SUN1: variants seen among roughly 807,000 people sequenced by gnomAD.
SUN1 encodes Sad1 and UNC84 domain containing 1.
Under a neutral mutation model 103.2 loss-of-function variants are expected in SUN1, and 61 were observed. That is an observed-to-expected ratio of 0.59 (90% CI 0.48 to 0.73). The LOEUF is 0.73. Among genes scored for constraint, SUN1 ranks in the 30% least tolerant of loss-of-function variants. The pLI, the probability that SUN1 is intolerant of heterozygous loss-of-function variation, is 0.00. For missense variants in SUN1, 1,052 were observed against 1,034.6 expected, an observed-to-expected ratio of 1.02 and a Z score of -0.23; for synonymous variants, 490 against 425.7, an observed-to-expected ratio of 1.15 and a Z score of -1.86.
At chr7:845,292 C>T (rs943413552) in intron 5 of SUN1, among the ~76,000 whole-genome samples, 1 of 152,228 alleles carries the variant, frequency 6.6e-6, no homozygotes, top group East Asian at 1.9e-4. Flanking sequence ...CGCCTCCCCT[C>T]GGACGTCGGT....
At chr7:868,356 C>T in intron 16 of SUN1, 1 of 221,734 alleles carries the variant, frequency 4.5e-6, no homozygotes, top group Non-Finnish European at 9.0e-6. Context: ...CGATCGCAGG[C>T]CAGAGGCAGA....
upstream of SUN1, among the ~76,000 whole-genome samples, chr7:828,208 C>G (rs1794455674): frequency 1.3e-5 from 2 of 151,702 alleles, no homozygotes; most frequent in Admixed American, 6.6e-5. Context: ...CTGGCCTTAT[C>G]TAATTTTAAA....
intron 5 of SUN1, among the ~76,000 whole-genome samples, chr7:846,039 A>AGCCC (rs1815305981): frequency 6.6e-6 from 1 of 152,114 alleles, no homozygotes; most frequent in Admixed American, 6.5e-5. Flanking sequence ...TGCACAGTTT[A>AGCCC]GCATCTCTTT....
chr7:868,392 C>T, intron 16 of SUN1: 1 of 265,512 alleles, frequency 3.8e-6, no homozygotes, highest in Non-Finnish European at 7.4e-6. Flanking sequence ...CCGACCTTGC[C>T]AGGCTGTGCT....
rs76593271 is a variant in SUN1, at chr7:823,810, C to T, written c.-74+7137C>T. On this transcript the variant is annotated intron_variant, in intron 1 of 17. Transcript: ENST00000389574. Reference sequence around the variant, plus strand: ...GGGAATGGAGAGGGGGCATGGGGCACGCGCCCTGGGGAGGGAGGAGCAGGC... The same window carrying T: ...GGGAATGGAGAGGGGGCATGGGGCATGCGCCCTGGGGAGGGAGGAGCAGGC... 7.8e-3 allele frequency among the ~76,000 whole-genome samples: 1,180 copies of T among 152,172 alleles called. 53 individuals are homozygous for T. In the East Asian group the frequency reaches 0.14, roughly 18 times the overall value.
chr7:849,875 G>A (rs919320752), intron 5 of SUN1: 8 of 1,557,502 alleles, frequency 5.1e-6, no homozygotes, highest in Non-Finnish European at 7.0e-6. Flanking sequence ...GATGGACAGA[G>A]TTTGCTTGTG....
chr7:848,924 T>C (rs1819160239), intron 5 of SUN1, among the ~76,000 whole-genome samples: 1 of 152,252 alleles, frequency 6.6e-6, no homozygotes, highest in South Asian at 2.1e-4. Context: ...AAACTTTACC[T>C]GAGTGGTATT....
chr7:843,677 G>C, intron 5 of SUN1, 157 bp downstream of exon 5: 1 of 1,480,092 alleles, frequency 6.8e-7, no homozygotes, highest in Non-Finnish European at 9.0e-7. Flanking sequence ...TGTCCTTCCT[G>C]TCCTCTTCTA....
At chr7:841,860 A>G (rs1810304121) in intron 2 of SUN1, 86 bp from the exon 3 acceptor site, 1 of 1,408,384 alleles carries the variant, frequency 7.1e-7, no homozygotes, top group Non-Finnish European at 9.7e-7. Context: ...GTTTATTCCC[A>G]GATTAAGAGT....
intron 1 of SUN1, chr7:817,183 C>T (rs1339024861): frequency 2.4e-5 from 13 of 538,510 alleles, no homozygotes; most frequent in Non-Finnish European, 4.0e-5. Context: ...TGGTCTCGAC[C>T]TCCTGAGCGC....
chr7:848,929 G>T (rs776250642), intron 5 of SUN1, among the ~76,000 whole-genome samples: 3 of 152,202 alleles, frequency 2.0e-5, no homozygotes, highest in Non-Finnish European at 4.4e-5. Flanking sequence ...TTACCTGAGT[G>T]GTATTTAGAA....
At position 857,895 on chromosome 7, in the gene SUN1, G is replaced by A; in HGVS notation, c.1462G>A (p.Glu488Lys). The A allele has an allele frequency of 1.2e-6, 2 of 1,604,128 alleles. No homozygotes were observed. The highest frequency in any genetic ancestry group is 1.7e-6 in the Non-Finnish European group (2 of 1,171,932). ...GCTGGAGCTGGATCAGCTAAAGTCA[G>A]AGCTGTCCAGCTGGCGACACGTGAA... ...LQLELDQLKS[E>K]LSSWRHVKTG... The change falls in exon 13 of 19, where the codon GAG becomes AAG. Residue 488 changes from glutamate to lysine, a missense_variant. This residue lies in a region of SUN1 where 846 missense variants were observed against 774.5 expected (regional missense o/e 1.09). Coordinates refer to ENST00000401592, the MANE Select transcript of SUN1 (RefSeq NM_001130965.3).
At chr7:849,713 C>G in intron 5 of SUN1, 7 of 1,273,502 alleles carry the variant, frequency 5.5e-6, no homozygotes, top group Non-Finnish European at 8.0e-6. Flanking sequence ...CATGGTGGTC[C>G]TCACTGATGA....
At chr7:851,898 C>T (rs750804048) in intron 6 of SUN1, 52 bp from the exon 7 acceptor site, 30 of 1,584,508 alleles carry the variant, frequency 1.9e-5, no homozygotes, top group African/African-American at 2.7e-5. Flanking sequence ...CATTTAGGAG[C>T]TTGGTTTTCC....
Position 851,955 on chromosome 7 carries a change from G to T in SUN1, c.763G>T (p.Ala255Ser). ...TTTGGTGTTTTCTCTTGTAGGGAAG[G>T]CAGCCTCTGGAGTGTTCTGGTGGCT... ...LWLAVVAPGK[A>S]ASGVFWWLGI... Residue 255 changes from alanine (A) to serine (S), a missense_variant, in exon 7 of 19, where the codon GCA becomes TCA. This residue lies in a region of SUN1 where 846 missense variants were observed against 774.5 expected (regional missense o/e 1.09). Coordinates refer to ENST00000401592, the MANE Select transcript of SUN1 (RefSeq NM_001130965.3). The T allele has an allele frequency of 6.2e-7, 1 of 1,613,648 alleles. No individual in the cohort carries two copies. Among genetic ancestry groups the T allele is most frequent in the African/African-American group, 1.3e-5 (1 of 75,030 alleles).
At chr7:845,931 G>A (rs964543780) in intron 5 of SUN1, among the ~76,000 whole-genome samples, 10 of 151,982 alleles carry the variant, frequency 6.6e-5, no homozygotes, top group Admixed American at 2.6e-4. Context: ...GTTCTCGTCA[G>A]CCTCCCCGGT....
chr7:842,860 C>A, intron 3 of SUN1: 1 of 448,712 alleles, frequency 2.2e-6, no homozygotes, highest in Non-Finnish European at 4.1e-6. Context: ...GGTTACCAGG[C>A]AACAGAGAGG....
chr7:866,176 G>A, intron 16 of SUN1, 109 bp downstream of exon 16: 1 of 905,480 alleles, frequency 1.1e-6, no homozygotes, highest in Non-Finnish European at 1.7e-6. Flanking sequence ...GAACACGTCT[G>A]TGGAACTGGT....
intron 1 of SUN1, among the ~76,000 whole-genome samples, chr7:835,271 C>T (rs540524419): frequency 1.4e-4 from 22 of 152,236 alleles, no homozygotes; most frequent in African/African-American, 5.1e-4. Context: ...TGTCCTGCAC[C>T]AGTGGCCTGG....
Sources: allele counts gnomAD v4.1 joint callset (sites outside exome capture counted in the v4.1 genomes callset), GRCh38; gene constraint gnomAD v4.1.1; regional missense constraint gnomAD v4.1.1; transcripts MANE v1.5; gene names NCBI Gene and HGNC (gene_info 2026-07-23, HGNC 2026-07-21).